The following MAN1B1 variants were observed in gnomAD, a reference collection of about 807,000 sequenced individuals.
MAN1B1 encodes mannosidase alpha class 1B member 1.
MAN1B1 carries 66 observed loss-of-function variants against 75.5 expected under a neutral mutation model. The ratio of observed to expected loss-of-function variants is 0.87; its 90% confidence interval spans 0.72 to 1.07. The LOEUF (loss-of-function observed/expected upper bound fraction) is 1.07, where lower values mean the gene tolerates loss of function less well. Ranked by LOEUF, MAN1B1 falls within the 50% of genes least tolerant of loss-of-function variation. The pLI, the probability that MAN1B1 is intolerant of heterozygous loss-of-function variation, is 0.00. For missense variants in MAN1B1, 973 were observed against 912.5 expected, an observed-to-expected ratio of 1.07 and a Z score of -0.85; for synonymous variants, 453 against 382.8, an observed-to-expected ratio of 1.18 and a Z score of -2.14.
At chr9:137,090,817 A>G (rs1471696026) in intron 3 of MAN1B1, among the ~76,000 whole-genome samples, 3 of 152,176 alleles carry the variant, frequency 2.0e-5, no homozygotes, top group African/African-American at 7.2e-5. Flanking sequence ...GATTACAGAC[A>G]TGAGCCACCA....
At chr9:137,100,929 T>C (rs1387081732) in intron 6 of MAN1B1, 76 bp from the exon 7 acceptor site, 2 of 1,566,342 alleles carry the variant, frequency 1.3e-6, no homozygotes, top group East Asian at 4.5e-5. Flanking sequence ...CAAATGTATT[T>C]TGAAGATGGA....
chr9:137,094,427 A>T, intron 3 of MAN1B1: 1 of 499,246 alleles, frequency 2.0e-6, no homozygotes. Flanking sequence ...CAGTGATTGC[A>T]TGACCTGGTG....
intron 4 of MAN1B1, among the ~76,000 whole-genome samples, chr9:137,097,164 G>A (rs1423210816): frequency 6.6e-6 from 1 of 152,224 alleles, no homozygotes; most frequent in Non-Finnish European, 1.5e-5. Context: ...TGGCATGAAT[G>A]CAAGGACGCT....
rs775285783 is a variant in MAN1B1 at position 137,108,943 on chromosome 9, G to A, written c.*352G>A. On this transcript the variant is annotated 3_prime_UTR_variant, in exon 13 of 13. Transcript: ENST00000371589. Reference sequence around the variant, plus strand: ...GGGGTGACCGAGTGGACAGCCCAGGGTGCAGCTCTGCCCGGGCTCGTGAAG... The same window carrying A: ...GGGGTGACCGAGTGGACAGCCCAGGATGCAGCTCTGCCCGGGCTCGTGAAG... 2.1e-6 allele frequency: 1 copy of A among 487,382 alleles called. No homozygotes were observed. The highest frequency in any genetic ancestry group is 1.5e-5 in the South Asian group (1 of 64,820). 30.2% of individuals were successfully genotyped at this position (487,382 alleles called of 1,614,324 possible). A position where few individuals can be genotyped will look rare whatever the true frequency, so the allele number is the denominator to read the frequency against.
At chr9:137,088,750 A>G (rs920430669) in intron 2 of MAN1B1, 119 bp from the exon 3 acceptor site, 2 of 1,066,318 alleles carry the variant, frequency 1.9e-6, no homozygotes, top group Non-Finnish European at 1.4e-6. Context: ...TTCAGTGACT[A>G]TCAGGTATCA....
At chr9:137,091,247 T>C (rs1248940073) in intron 3 of MAN1B1, among the ~76,000 whole-genome samples, 1 of 152,226 alleles carries the variant, frequency 6.6e-6, no homozygotes, top group Non-Finnish European at 1.5e-5. Context: ...GACTGTGGTA[T>C]TTTTTCCATT....
At chr9:137,098,935 G>T (rs1830731281) in intron 5 of MAN1B1, among the ~76,000 whole-genome samples, 1 of 152,142 alleles carries the variant, frequency 6.6e-6, no homozygotes, top group African/African-American at 2.4e-5. Context: ...GTTCAAGCAA[G>T]TCTCCTGCCT....
At position 137,087,145 on chromosome 9, in the gene MAN1B1, T is replaced by TC. The variant is rs754195713; in HGVS notation, c.147dup (p.Ile50HisfsTer12). ...CCGCCGCCGCCGCCTCATCGGGACTTCATCTCGGTGACGCTGAGCTTTGGC... is the reference window on the plus strand; with the variant it reads ...CCGCCGCCGCCGCCTCATCGGGACTTCCATCTCGGTGACGCTGAGCTTTGGC... On this transcript the variant is annotated frameshift_variant, in exon 1 of 13. Coordinates refer to ENST00000371589, the MANE Select transcript of MAN1B1 (RefSeq NM_016219.5). LOFTEE classifies it high-confidence loss of function. 6.3e-7 allele frequency: 1 copy of TC among 1,594,330 alleles called. No individual in the cohort carries two copies. The highest frequency in any genetic ancestry group is 1.1e-5 in the South Asian group (1 of 88,172).
intron 6 of MAN1B1, 91 bp from the exon 7 acceptor site, chr9:137,100,914 C>A: frequency 6.6e-7 from 1 of 1,505,302 alleles, no homozygotes; most frequent in Non-Finnish European, 9.2e-7. Context: ...GCCACCACGC[C>A]CAGCCAAATG....
At chr9:137,107,190 G>A in intron 10 of MAN1B1, 60 bp from the exon 11 acceptor site, 1 of 1,567,028 alleles carries the variant, frequency 6.4e-7, no homozygotes, top group Non-Finnish European at 8.7e-7. Flanking sequence ...GGCTGCCCGT[G>A]CAGCTGCAGG....
Position 137,107,314 on chromosome 9 carries a change from G to A in MAN1B1, c.1631G>A (p.Ser544Asn). The change falls in exon 11 of 13, where the codon AGC becomes AAC. Residue 544 changes from serine (S) to asparagine (N), a missense_variant. Transcript: ENST00000371589. The stretch of plus-strand genomic sequence containing the variant: ...GGCGTCTACCACGGCCTGCCCGCCA[G>A]CCACATGGAGCTGGCCCAGGAGCTC... ...ALGVYHGLPA[S>N]HMELAQELME... The A allele has an allele frequency of 6.2e-7, 1 of 1,613,210 alleles. No homozygotes were observed. The highest frequency in any genetic ancestry group is 8.5e-7 in the Non-Finnish European group (1 of 1,179,990).
intron 8 of MAN1B1, chr9:137,105,687 C>G: frequency 2.9e-6 from 1 of 344,004 alleles, no homozygotes; most frequent in Non-Finnish European, 5.6e-6. Flanking sequence ...AGGAGCTCAC[C>G]AGGAGGGCGT....
chr9:137,097,724 T>G, intron 4 of MAN1B1, 104 bp from the exon 5 acceptor site: 1 of 882,648 alleles, frequency 1.1e-6, no homozygotes, highest in Non-Finnish European at 1.9e-6. Context: ...GGGGCCGCTT[T>G]GGGTGCAGGG....
intron 10 of MAN1B1, 27 bp downstream of exon 10, chr9:137,106,836 C>A (rs778579273): frequency 1.2e-5 from 19 of 1,610,666 alleles, no homozygotes; most frequent in Non-Finnish European, 1.6e-5. Context: ...GGCCTTCCGG[C>A]CGCCGCCCCT....
chr9:137,097,225 G>A (rs757388435), intron 4 of MAN1B1, among the ~76,000 whole-genome samples: 4 of 152,214 alleles, frequency 2.6e-5, no homozygotes, highest in Admixed American at 6.5e-5. Context: ...AAAGTGCCAC[G>A]TTTGTACTCC....
chr9:137,098,304 C>G (rs1830712223), intron 5 of MAN1B1, among the ~76,000 whole-genome samples: 1 of 152,232 alleles, frequency 6.6e-6, no homozygotes, highest in Admixed American at 6.5e-5. Context: ...GGGGGCCTCC[C>G]AGGTGCGGGC....
At position 137,106,501 on chromosome 9, in the gene MAN1B1, A is replaced by G. The variant is rs564479311; in HGVS notation, c.1445+186A>G. 73 of 997,224 alleles carry G rather than the reference A, an allele frequency of 7.3e-5. 1 individual carries two copies. In the South Asian group the frequency reaches 1.1e-3, roughly 15 times the overall value. The allele number at this position is 997,224 out of a possible 1,614,324, so 61.8% of individuals were successfully genotyped here. On this transcript the variant is annotated intron_variant, in intron 9 of 12. Coordinates refer to ENST00000371589, the MANE Select transcript of MAN1B1 (RefSeq NM_016219.5). Reference sequence around the variant, plus strand: ...TGGAGGGCGTATTCATTCACCTCTCACCGTGGCCTCTGGGGGGGTGAGGGG... The same window carrying G: ...TGGAGGGCGTATTCATTCACCTCTCGCCGTGGCCTCTGGGGGGGTGAGGGG...
Position 137,087,131 on chromosome 9 carries a change from G to GCCT in MAN1B1, c.134_136dup (p.Pro45dup). 1 of 1,592,654 alleles carries GCCT rather than the reference G, an allele frequency of 6.3e-7. No homozygotes were observed. The highest frequency in any genetic ancestry group is 1.1e-5 in the South Asian group (1 of 87,950). On this transcript the variant is annotated inframe_insertion, in exon 1 of 13. Coordinates refer to ENST00000371589, the MANE Select transcript of MAN1B1 (RefSeq NM_016219.5). ...TCATGTACCCACCGCCGCCGCCGCC[G>GCCT]CCTCATCGGGACTTCATCTCGGTGA... is the stretch of plus-strand genomic sequence containing the variant.
chr9:137,097,997 G>GAGACGAAGCCTGCACC, intron 5 of MAN1B1, 60 bp downstream of exon 5: 1 of 1,322,282 alleles, frequency 7.6e-7, no homozygotes, highest in Non-Finnish European at 1.1e-6. Context: ...GCTGATGGGT[G>GAGACGAAGCCTGCACC]CAGGCTTCGT....
Sources: gnomAD v4.1 joint callset for allele counts (sites outside exome capture counted in the v4.1 genomes callset) on GRCh38, gnomAD v4.1.1 for gene constraint, MANE v1.5 for transcripts, NCBI Gene and HGNC (gene_info 2026-07-23, HGNC 2026-07-21) for gene names.